The following ARHGAP31 variants were observed in gnomAD, a reference collection of about 807,000 sequenced individuals.
The protein encoded by ARHGAP31 is rho GTPase-activating protein 31.
Under a neutral mutation model 113.9 loss-of-function variants are expected in ARHGAP31, and 34 were observed. The observed-to-expected ratio is 0.30, with a 90% CI of 0.23 to 0.40. ARHGAP31 has a LOEUF of 0.40. ARHGAP31 is among the 10% of genes least tolerant of loss of function. ARHGAP31 has a pLI of 1.00. For synonymous variants in ARHGAP31, 650 were observed against 684.8 expected (o/e 0.95, Z 0.79); for missense variants, 1,548 against 1,767.1 (o/e 0.88, Z 2.22).
intron 1 of ARHGAP31, among the ~76,000 whole-genome samples, chr3:119,349,773 A>G (rs1192014685): frequency 6.6e-6 from 1 of 152,096 alleles, no homozygotes; most frequent in Non-Finnish European, 1.5e-5. Flanking sequence ...TAGTCCTGAG[A>G]ATTTGCAGGG....
At chr3:119,371,959 A>T (rs1364983159) in intron 3 of ARHGAP31, among the ~76,000 whole-genome samples, 1 of 152,204 alleles carries the variant, frequency 6.6e-6, no homozygotes, top group African/African-American at 2.4e-5. Context: ...TTAAGGCTGC[A>T]TAGTATTCCG....
At chr3:119,335,394 A>C (rs934594097) in intron 1 of ARHGAP31, among the ~76,000 whole-genome samples, 1 of 152,166 alleles carries the variant, frequency 6.6e-6, no homozygotes, top group African/African-American at 2.4e-5. Context: ...GGAACTGACC[A>C]CCATTTATGA....
chr3:119,385,187 C>G (rs2080438558), intron 6 of ARHGAP31, among the ~76,000 whole-genome samples: 1 of 151,848 alleles, frequency 6.6e-6, no homozygotes, highest in South Asian at 2.1e-4. Context: ...CTTGGCTTCC[C>G]AAAGTGCTAG....
chr3:119,375,669 G>T (rs1234583974), intron 3 of ARHGAP31, among the ~76,000 whole-genome samples: 3 of 152,110 alleles, frequency 2.0e-5, no homozygotes, highest in Admixed American at 6.6e-5. Flanking sequence ...ATTTTGTTCA[G>T]ATCGGTCCAG....
At chr3:119,296,835 C>A (rs1397225851) in intron 1 of ARHGAP31, among the ~76,000 whole-genome samples, 3 of 152,158 alleles carry the variant, frequency 2.0e-5, no homozygotes, top group African/African-American at 7.2e-5. Context: ...AAAAGAAGCC[C>A]AGAGGGGTAA....
chr3:119,327,884 G>A (rs899344646), intron 1 of ARHGAP31, among the ~76,000 whole-genome samples: 2 of 152,190 alleles, frequency 1.3e-5, no homozygotes, highest in African/African-American at 4.8e-5. Flanking sequence ...ACCAGCACAA[G>A]TAAATTCAAC....
chr3:119,405,042 G>A (rs917430111), intron 10 of ARHGAP31, among the ~76,000 whole-genome samples: 5 of 152,154 alleles, frequency 3.3e-5, no homozygotes, highest in Admixed American at 6.5e-5. Context: ...ACAGAAACTT[G>A]ATAAATGAAA....
At chr3:119,406,633 T>C (rs1312819205) in intron 10 of ARHGAP31, among the ~76,000 whole-genome samples, 1 of 152,212 alleles carries the variant, frequency 6.6e-6, no homozygotes, top group East Asian at 1.9e-4. Context: ...TCTGTGCACA[T>C]GAAAGGCACC....
At position 119,390,855 on chromosome 3, in the gene ARHGAP31, G is replaced by A; in HGVS notation, c.753G>A (p.Glu251=). The part of the protein sequence containing the change: ...LSLPMKLVSL[E]EAQARSLATN... ...TGCCCATGAAGCTGGTGAGCCTTGA[G>A]GAAGCTCAAGCCCGCAGCCTGGCCA... The change falls in exon 7 of 12, where the codon GAG becomes GAA. Residue 251 remains glutamate, a synonymous_variant. Coordinates refer to ENST00000264245, the MANE Select transcript of ARHGAP31 (RefSeq NM_020754.4). 6.2e-7 allele frequency: 1 copy of A among 1,613,912 alleles called. No homozygotes were observed.
chr3:119,390,429 T>G (rs1038978092), intron 6 of ARHGAP31, among the ~76,000 whole-genome samples: 1 of 151,488 alleles, frequency 6.6e-6, no homozygotes, highest in African/African-American at 2.4e-5. Flanking sequence ...GCCGAAGCAC[T>G]GGGCAGAGTT....
Position 119,415,664 on chromosome 3 carries a change from A to T in ARHGAP31, c.3735A>T (p.Lys1245Asn). 1 of 1,614,116 alleles carries T rather than the reference A, an allele frequency of 6.2e-7. No homozygotes were observed. Among genetic ancestry groups the T allele is most frequent in the Non-Finnish European group, 8.5e-7 (1 of 1,180,012 alleles). Reference sequence around the variant, plus strand: ...GCTCAACCAGTGGGACCACTCAGAAACCTGCCAAAGATGATTCTCCCTCCT... The same window carrying T: ...GCTCAACCAGTGGGACCACTCAGAATCCTGCCAAAGATGATTCTCCCTCCT... ...GPSSTSGTTQ[K>N]PAKDDSPSSL... is the part of the protein sequence containing the mutation. Residue 1245 changes from lysine to asparagine, a missense_variant, in exon 12 of 12, where the codon AAA (lysine) becomes AAT (asparagine). By Grantham distance (94) the Lys-to-Asn change is moderately conservative (BLOSUM62 0). Transcript: ENST00000264245.
chr3:119,417,788 G>A lies in ARHGAP31; in HGVS notation c.*1524G>A, dbSNP rs1276029709. Reference sequence around the variant, plus strand: ...AGAAAGGAGAACTAATATACCTGCTGGCAGATTTTTGGTGCTGCCCAAAAA... The same window carrying A: ...AGAAAGGAGAACTAATATACCTGCTAGCAGATTTTTGGTGCTGCCCAAAAA... On this transcript the variant is annotated 3_prime_UTR_variant, in exon 12 of 12. Transcript: ENST00000264245. 6.6e-6 allele frequency: 1 copy of A among 152,090 alleles called. No individual in the cohort carries two copies. Among genetic ancestry groups the A allele is most frequent in the Non-Finnish European group, 1.5e-5 (1 of 68,022 alleles). 9.4% of individuals were successfully genotyped at this position (152,090 alleles called of 1,614,324 possible). A position where few individuals can be genotyped will look rare whatever the true frequency, so the allele number is the denominator to read the frequency against.
chr3:119,325,673 G>T (rs1262775452), intron 1 of ARHGAP31, among the ~76,000 whole-genome samples: 1 of 151,392 alleles, frequency 6.6e-6, no homozygotes, highest in Admixed American at 6.6e-5. Flanking sequence ...GGGAAGGGGG[G>T]GACGGAAATG....
In ARHGAP31 at chr3:119,415,514, C is replaced by T. The variant is rs772661995; in HGVS notation, c.3585C>T (p.Cys1195=). 2 of 1,614,068 alleles carry T rather than the reference C, an allele frequency of 1.2e-6. No homozygotes were observed. Among genetic ancestry groups the T allele is most frequent in the Non-Finnish European group, 1.7e-6 (2 of 1,180,026 alleles). Residue 1195 remains cysteine (C), a synonymous_variant, in exon 12 of 12, where the codon TGC becomes TGT. Coordinates refer to ENST00000264245, the MANE Select transcript of ARHGAP31 (RefSeq NM_020754.4). The part of the protein sequence containing the change: ...AVRTSFMVKM[C]QARAVPVIPP... ...GAACCTCCTTCATGGTCAAAATGTG[C>T]CAGGCCAGGGCGGTCCCAGTCATCC...
At chr3:119,387,691 A>G (rs553494011) in intron 6 of ARHGAP31, among the ~76,000 whole-genome samples, 1 of 152,348 alleles carries the variant, frequency 6.6e-6, no homozygotes, top group Admixed American at 6.5e-5. Context: ...TTCACTAAAA[A>G]ATAAATGTGT....
intron 1 of ARHGAP31, among the ~76,000 whole-genome samples, chr3:119,359,566 G>T (rs2080187755): frequency 6.6e-6 from 1 of 152,032 alleles, no homozygotes; most frequent in South Asian, 2.1e-4. Context: ...TTAAAACAGG[G>T]AGGAGGAAGG....
At chr3:119,375,481 G>C (rs764273508) in intron 3 of ARHGAP31, among the ~76,000 whole-genome samples, 4 of 152,098 alleles carry the variant, frequency 2.6e-5, no homozygotes, top group Non-Finnish European at 4.4e-5. Context: ...CCAGATAATC[G>C]AGGATAATGT....
At chr3:119,316,587 G>A (rs2079733430) in intron 1 of ARHGAP31, among the ~76,000 whole-genome samples, 1 of 152,232 alleles carries the variant, frequency 6.6e-6, no homozygotes, top group South Asian at 2.1e-4. Context: ...GTTGGGGGCT[G>A]TTGGTGAAAT....
chr3:119,355,438 G>T (rs1039424501), intron 1 of ARHGAP31, among the ~76,000 whole-genome samples: 1 of 149,640 alleles, frequency 6.7e-6, no homozygotes, highest in African/African-American at 2.5e-5. Context: ...CCAAGCTCCT[G>T]TTCAGGAAAA....
Sources: gnomAD v4.1 joint callset for allele counts (sites outside exome capture counted in the v4.1 genomes callset) on GRCh38, gnomAD v4.1.1 for gene constraint, MANE v1.5 for transcripts, NCBI Gene and HGNC (gene_info 2026-07-23, HGNC 2026-07-21) for gene names.